KCNC2: variants seen among roughly 807,000 people sequenced by gnomAD.
The protein encoded by KCNC2 is potassium voltage-gated channel subfamily C member 2, also known as voltage-gated potassium channel KCNC2.
KCNC2 carries 21 observed loss-of-function variants against 44.5 expected under a neutral mutation model. The ratio of observed to expected loss-of-function variants is 0.47; its 90% CI spans 0.33 to 0.68. The LOEUF is 0.68. Ranked by LOEUF, KCNC2 falls within the 30% of genes least tolerant of loss-of-function variation. The pLI is 0.01. For synonymous variants in KCNC2, 391 were observed against 339.1 expected (o/e 1.15, Z -1.68); for missense variants, 589 against 826.2 (o/e 0.71, Z 3.52).
At chr12:75,182,150 T>C (rs1476705348) in intron 2 of KCNC2, among the ~76,000 whole-genome samples, 1 of 151,796 alleles carries the variant, frequency 6.6e-6, no homozygotes, top group Non-Finnish European at 1.5e-5. Context: ...CCCTGCCCTG[T>C]CCACTCCATG....
chr12:75,200,489 T>G (rs2031153932), intron 2 of KCNC2, among the ~76,000 whole-genome samples: 2 of 151,766 alleles, frequency 1.3e-5, no homozygotes, highest in Admixed American at 6.6e-5. Flanking sequence ...AAACAAAACT[T>G]AAAGCCATAT....
At position 75,191,963 on chromosome 12, in the gene KCNC2, T is replaced by C. The variant is rs528606422; in HGVS notation, c.687+15334A>G. On this transcript the variant is annotated intron_variant, in intron 2 of 4. Coordinates refer to ENST00000549446, the MANE Select transcript of KCNC2 (RefSeq NM_139137.4). ...TTATAAATGAAGACTTTTTTCATTC[T>C]ATTTACATGACCGCTATAATGTACC... 1.6e-4 allele frequency among the ~76,000 whole-genome samples: 24 copies of C among 152,338 alleles called. No individual in the cohort carries two copies. The East Asian group carries it at 4.2e-3, about 27-fold the overall frequency.
chr12:75,136,061 T>C (rs1312852037), intron 2 of KCNC2, among the ~76,000 whole-genome samples: 1 of 152,026 alleles, frequency 6.6e-6, no homozygotes, highest in Non-Finnish European at 1.5e-5. Context: ...TTTCTTGGTA[T>C]ATTTAACCTT....
chr12:75,173,160 T>A (rs1438675853), intron 2 of KCNC2, among the ~76,000 whole-genome samples: 1 of 151,916 alleles, frequency 6.6e-6, no homozygotes, highest in African/African-American at 2.4e-5. Context: ...AATTTACGTC[T>A]TCTCCCTTTC....
intron 2 of KCNC2, among the ~76,000 whole-genome samples, chr12:75,084,325 T>TAGATAGAG (rs1287860689): frequency 4.0e-5 from 6 of 150,902 alleles, no homozygotes; most frequent in Non-Finnish European, 4.4e-5. Flanking sequence ...GATAGATAGA[T>TAGATAGAG]AGATAGATAT....
At chr12:75,062,251 C>A (rs1407625064) in intron 2 of KCNC2, among the ~76,000 whole-genome samples, 1 of 151,994 alleles carries the variant, frequency 6.6e-6, no homozygotes, top group Non-Finnish European at 1.5e-5. Context: ...ATCTTCAACT[C>A]AACTGATCAG....
chr12:75,047,420 T>C (rs1036157072), intron 4 of KCNC2, among the ~76,000 whole-genome samples: 55 of 152,102 alleles, frequency 3.6e-4, no homozygotes, highest in Non-Finnish European at 1.5e-4. Context: ...TTATACTCTT[T>C]ACCAAAGATG....
intron 2 of KCNC2, among the ~76,000 whole-genome samples, chr12:75,142,596 A>G (rs551150086): frequency 3.3e-5 from 5 of 152,160 alleles, no homozygotes; most frequent in South Asian, 4.1e-4. Context: ...ATGTGGCATT[A>G]GTTGTTGAAG....
intron 2 of KCNC2, among the ~76,000 whole-genome samples, chr12:75,206,863 G>A (rs150550662): frequency 5.3e-4 from 80 of 152,322 alleles, no homozygotes; most frequent in Non-Finnish European, 8.1e-4. Flanking sequence ...CTCTGGGTGA[G>A]TCAGATGTGA....
chr12:75,150,125 A>G (rs908622665), intron 2 of KCNC2, among the ~76,000 whole-genome samples: 2 of 151,914 alleles, frequency 1.3e-5, no homozygotes, highest in Admixed American at 6.6e-5. Flanking sequence ...TCTACTAAAT[A>G]CATATTCCTA....
intron 1 of KCNC2, 35 bp from the exon 2 acceptor site, chr12:75,208,037 T>C: frequency 1.2e-6 from 2 of 1,604,208 alleles, no homozygotes; most frequent in Admixed American, 3.4e-5. Flanking sequence ...GAGTTAAAGA[T>C]CTTAGCCGTC....
intron 2 of KCNC2, among the ~76,000 whole-genome samples, chr12:75,158,279 A>G (rs1340845456): frequency 6.6e-6 from 1 of 151,958 alleles, no homozygotes; most frequent in Non-Finnish European, 1.5e-5. Flanking sequence ...CAGAACCAAT[A>G]GAATCTAATC....
intron 2 of KCNC2, among the ~76,000 whole-genome samples, chr12:75,148,625 A>G (rs1890182745): frequency 6.6e-6 from 1 of 152,002 alleles, no homozygotes; most frequent in South Asian, 2.1e-4. Context: ...ATTTCATGTT[A>G]TATTTTTTAG....
At chr12:75,200,007 A>G (rs1401056822) in intron 2 of KCNC2, among the ~76,000 whole-genome samples, 1 of 151,710 alleles carries the variant, frequency 6.6e-6, no homozygotes, top group Non-Finnish European at 1.5e-5. Flanking sequence ...GAAGACAATA[A>G]CATGTAAAAC....
chr12:75,205,133 C>T (rs2031584605), intron 2 of KCNC2, among the ~76,000 whole-genome samples: 1 of 152,078 alleles, frequency 6.6e-6, no homozygotes, highest in Non-Finnish European at 1.5e-5. Context: ...TTTCACAATC[C>T]AGTCCAGTTA....
At chr12:75,088,495 T>C (rs1481850910) in intron 2 of KCNC2, among the ~76,000 whole-genome samples, 1 of 152,066 alleles carries the variant, frequency 6.6e-6, no homozygotes, top group Admixed American at 6.6e-5. Context: ...ATATGAACTG[T>C]CGTCCAAAAT....
rs1346842490 is a variant in KCNC2, at chr12:75,041,107, T to C, written c.*1998A>G. 6.3e-7 allele frequency: 1 copy of C among 1,596,362 alleles called. No homozygotes were observed. The highest frequency in any genetic ancestry group is 2.2e-5 in the East Asian group (1 of 44,804). On this transcript the variant is annotated 3_prime_UTR_variant, in exon 5 of 5. Transcript: ENST00000549446. ...TGCAACCTGGTCACATCAGGGCACA[T>C]TCAGCAGCAGAAGTCTGTTTCCAGT...
chr12:75,200,745 A>G (rs2031178716), intron 2 of KCNC2, among the ~76,000 whole-genome samples: 1 of 151,812 alleles, frequency 6.6e-6, no homozygotes, highest in Non-Finnish European at 1.5e-5. Context: ...CTTAATGAAC[A>G]TTATGAACAA....
At chr12:75,078,689 A>G (rs1884213481) in intron 2 of KCNC2, among the ~76,000 whole-genome samples, 1 of 152,206 alleles carries the variant, frequency 6.6e-6, no homozygotes, top group Admixed American at 6.5e-5. Flanking sequence ...CACATAGATA[A>G]TAGGTGGTAG....
Sources: gnomAD v4.1 joint callset for allele counts (sites outside exome capture counted in the v4.1 genomes callset) on GRCh38, gnomAD v4.1.1 for gene constraint, MANE v1.5 for transcripts, NCBI Gene and HGNC (gene_info 2026-07-23, HGNC 2026-07-21) for gene names.